BICRA: variants seen among roughly 807,000 people sequenced by gnomAD.
The protein encoded by BICRA is BRD4 interacting chromatin remodeling complex associated protein, also known as BRD4-interacting chromatin-remodeling complex-associated protein.
A neutral mutation model predicts 96.9 loss-of-function variants in BICRA; 31 were observed. The ratio of observed to expected loss-of-function variants is 0.32; its 90% confidence interval spans 0.24 to 0.43. BICRA has a LOEUF of 0.43. Ranked by LOEUF, BICRA falls within the 20% of genes least tolerant of loss-of-function variation. The pLI is 1.00. For synonymous variants in BICRA, 1,350 were observed against 1,071.8 expected, an observed-to-expected ratio of 1.26 and a Z score of -5.07; for missense variants, 2,283 against 2,190.3, an observed-to-expected ratio of 1.04 and a Z score of -0.84.
chr19:47,699,500 C>A lies in BICRA; in HGVS notation c.3595+95C>A. On this transcript the variant is annotated intron_variant, in intron 14 of 14. Coordinates refer to ENST00000594866, the MANE Select transcript of BICRA (RefSeq NM_001394372.1). This position sits in a 1 kb window ranked among gnomAD's most constrained non-coding sequence, Gnocchi z 5.0. ...TTCAGGGCGGGGAGTGGGTGTGTGG[C>A]CCTACCTCACTCCACCACTAGGCGG... 2.7e-6 allele frequency: 2 copies of A among 730,058 alleles called. No individual in the cohort carries two copies. The highest frequency in any genetic ancestry group is 2.1e-5 in the Admixed American group (1 of 47,522). 45.2% of individuals were successfully genotyped at this position (730,058 alleles called of 1,614,324 possible). A position where few individuals can be genotyped will look rare whatever the true frequency, so the allele number is the denominator to read the frequency against.
At chr19:47,686,972 A>C (rs573090187) in intron 7 of BICRA, among the ~76,000 whole-genome samples, 1 of 152,370 alleles carries the variant, frequency 6.6e-6, no homozygotes, top group East Asian at 1.9e-4. Context: ...TAAATAAACT[A>C]ATATCTGTAA....
intron 1 of BICRA, among the ~76,000 whole-genome samples, chr19:47,635,564 AT>A (rs968181152): frequency 1.3e-5 from 2 of 151,854 alleles, no homozygotes; most frequent in African/African-American, 4.8e-5. Flanking sequence ...TATTTCTAGG[AT>A]TTTTTTCAAA....
At chr19:47,613,924 G>T (rs533446160) in intron 1 of BICRA, among the ~76,000 whole-genome samples, 259 of 151,852 alleles carry the variant, frequency 1.7e-3, no homozygotes, top group African/African-American at 5.8e-3. Flanking sequence ...GTATTCATTG[G>T]GGGGAGGGGG....
At chr19:47,614,791 C>G (rs1281867233) in intron 1 of BICRA, among the ~76,000 whole-genome samples, 1 of 152,148 alleles carries the variant, frequency 6.6e-6, no homozygotes, top group Non-Finnish European at 1.5e-5. Flanking sequence ...GGTGAATCCT[C>G]CTTTACTGTT....
At chr19:47,692,232 C>CT (rs200468113) in intron 7 of BICRA, among the ~76,000 whole-genome samples, 230 of 145,732 alleles carry the variant, frequency 1.6e-3, no homozygotes, top group East Asian at 0.015. Context: ...CTTGAATATT[C>CT]TTTTTTTTTT....
Position 47,675,616 on chromosome 19 carries a change from C to T in BICRA, c.85-235C>T, listed in dbSNP as rs115940088. ...GAATTCGAGGCAGTCACAGCAGGAT[C>T]GCTTCGCAGGCCAGGCTCGGGGACT... On this transcript the variant is annotated intron_variant, in intron 4 of 14. Transcript: ENST00000594866. This position sits in a 1 kb window ranked among gnomAD's most constrained non-coding sequence, Gnocchi z 4.7. Among the ~76,000 whole-genome samples the T allele has an allele frequency of 6.5e-3, 996 of 152,306 alleles. 7 individuals carry two copies. The highest frequency in any genetic ancestry group is 0.023 in the African/African-American group (939 of 41,562).
At position 47,699,451 on chromosome 19, in the gene BICRA, C is replaced by T; in HGVS notation, c.3595+46C>T. The T allele has an allele frequency of 9.2e-7, 1 of 1,090,594 alleles. No homozygotes were observed. 67.6% of individuals were successfully genotyped at this position (1,090,594 alleles called of 1,614,324 possible). On this transcript the variant is annotated intron_variant, in intron 14 of 14. Coordinates refer to ENST00000594866, the MANE Select transcript of BICRA (RefSeq NM_001394372.1). The surrounding 1 kb of genome is among the most constrained non-coding windows in gnomAD (Gnocchi z 5.0). ...GGGAGGGGAGGGAGAGGTGCCCCCA[C>T]CCCACCTGGGCAGAAGAGTTAGATT...
chr19:47,632,878 T>C (rs1972241355), intron 1 of BICRA, among the ~76,000 whole-genome samples: 1 of 152,024 alleles, frequency 6.6e-6, no homozygotes, highest in Non-Finnish European at 1.5e-5. Context: ...TGTCTCCTTC[T>C]CAGGCAAGTT....
intron 11 of BICRA, among the ~76,000 whole-genome samples, chr19:47,696,807 G>C (rs925462429): frequency 2.0e-5 from 3 of 152,084 alleles, no homozygotes; most frequent in African/African-American, 7.2e-5. Context: ...ACACGGCTGG[G>C]CCGCGTCGGT....
At chr19:47,660,221 C>T (rs1214116804) in intron 1 of BICRA, among the ~76,000 whole-genome samples, 2 of 152,002 alleles carry the variant, frequency 1.3e-5, no homozygotes, top group East Asian at 1.9e-4. Flanking sequence ...GTCCAGCCCC[C>T]GGAGCTCTAG....
intron 9 of BICRA, 23 bp from the exon 10 acceptor site, chr19:47,695,342 T>TCGGGGGGGGCCCCCCCCCCCCCCCCCCC: frequency 1.6e-6 from 1 of 630,192 alleles, no homozygotes; most frequent in Non-Finnish European, 2.8e-6. Context: ...AGGCCCTGTC[T>TCGGGGGGGGCCCCCCCCCCCCCCCCCCC]CCCCCACCCC....
chr19:47,639,007 T>C (rs1475671958), intron 1 of BICRA, among the ~76,000 whole-genome samples: 1 of 152,012 alleles, frequency 6.6e-6, no homozygotes, highest in Non-Finnish European at 1.5e-5. Flanking sequence ...TTTTCAAAAA[T>C]GTTTTAATGT....
intron 1 of BICRA, among the ~76,000 whole-genome samples, chr19:47,650,590 C>T (rs1972526533): frequency 6.6e-6 from 1 of 152,128 alleles, no homozygotes; most frequent in Non-Finnish European, 1.5e-5. Context: ...GCAAAAGGTG[C>T]AATGATTTTT....
chr19:47,633,080 C>CTTTTTTTTTTT (rs34761702), intron 1 of BICRA, among the ~76,000 whole-genome samples: 1 of 93,222 alleles, frequency 1.1e-5, no homozygotes, highest in African/African-American at 4.0e-5. Flanking sequence ...GATTTTATTT[C>CTTTTTTTTTTT]TTTTTTTTTT....
chr19:47,695,341 C>T (rs1973319615), intron 9 of BICRA, 24 bp from the exon 10 acceptor site: 1 of 633,990 alleles, frequency 1.6e-6, no homozygotes, highest in Non-Finnish European at 2.8e-6. Flanking sequence ...CAGGCCCTGT[C>T]TCCCCCACCC....
intron 1 of BICRA, among the ~76,000 whole-genome samples, chr19:47,642,393 A>G (rs1388505391): frequency 6.6e-6 from 1 of 152,174 alleles, no homozygotes; most frequent in African/African-American, 2.4e-5. Flanking sequence ...TGATAAGGGT[A>G]TGTTTAATTT....
chr19:47,624,248 C>G (rs1019024733), intron 1 of BICRA, among the ~76,000 whole-genome samples: 1 of 151,940 alleles, frequency 6.6e-6, no homozygotes, highest in Non-Finnish European at 1.5e-5. Context: ...TTCATCTTGC[C>G]TTTCACTCAC....
intron 7 of BICRA, among the ~76,000 whole-genome samples, chr19:47,691,748 A>ATGGGGTTTCACCATGT (rs1299768252): frequency 6.6e-6 from 1 of 152,086 alleles, no homozygotes; most frequent in South Asian, 2.1e-4. Context: ...TTTAGTACAG[A>ATGGGGTTTCACCATGT]TGGGGTTTCA....
chr19:47,683,705 C>CTCCTGCCTCAG (rs1286315587), intron 7 of BICRA, among the ~76,000 whole-genome samples: 1 of 152,044 alleles, frequency 6.6e-6, no homozygotes, highest in Non-Finnish European at 1.5e-5. Context: ...CTGCCTCAGC[C>CTCCTGCCTCAG]TCCCGAGTAG....
Sources: gnomAD v4.1 joint callset for allele counts (sites outside exome capture counted in the v4.1 genomes callset) on GRCh38, gnomAD v4.1.1 for gene constraint, Gnocchi (gnomAD v3.1) non-coding constraint, MANE v1.5 for transcripts, NCBI Gene and HGNC (gene_info 2026-07-23, HGNC 2026-07-21) for gene names.